The following CCDC33 variants were observed in gnomAD, a reference collection of about 807,000 sequenced individuals.
The protein encoded by CCDC33 is coiled-coil domain containing 33, also known as coiled-coil domain-containing protein 33.
In CCDC33, 94 loss-of-function variants were observed where a neutral mutation model predicts 91.9. The observed-to-expected ratio is 1.02, with a 90% CI of 0.87 to 1.21. The LOEUF (loss-of-function observed/expected upper bound fraction) is 1.21, where lower values mean the gene tolerates loss of function less well. CCDC33 is among the 50% of genes most tolerant of loss of function. The pLI is 0.00. For missense variants in CCDC33, 940 were observed against 935.5 expected (o/e 1.00, Z -0.06); for synonymous variants, 396 against 374.5 (o/e 1.06, Z -0.66).
chr15:74,330,324 C>G lies in CCDC33; in HGVS notation c.1426C>G (p.Gln476Glu). 6.2e-7 allele frequency: 1 copy of G among 1,607,802 alleles called. No homozygotes were observed. The highest frequency in any genetic ancestry group is 8.5e-7 in the Non-Finnish European group (1 of 1,177,932). Residue 476 changes from glutamine to glutamate, a missense_variant, in exon 12 of 19, where the codon CAG becomes GAG. Physicochemically the swap from Gln to Glu is conservative, Grantham distance 29. Transcript: ENST00000398814. ...RLAQQEEEEGQGKASEAQNTV... is the reference protein window; with the variant it reads ...RLAQQEEEEGEGKASEAQNTV... ...GGCCCAGCAGGAGGAGGAAGAGGGGCAGGGCAAAGCCAGTGAGGCCCAGAA... is the reference window on the plus strand; with the variant it reads ...GGCCCAGCAGGAGGAGGAAGAGGGGGAGGGCAAAGCCAGTGAGGCCCAGAA...
intron 8 of CCDC33, 151 bp from the exon 9 acceptor site, chr15:74,280,517 C>G: frequency 2.4e-6 from 2 of 849,912 alleles, no homozygotes; most frequent in Middle Eastern, 3.1e-4. Flanking sequence ...GTTCACAAAG[C>G]CCTGAAGATG....
At chr15:74,205,579 A>G (rs1227811970) in intron 1 of CCDC33, among the ~76,000 whole-genome samples, 1 of 152,230 alleles carries the variant, frequency 6.6e-6, no homozygotes, top group East Asian at 1.9e-4. Flanking sequence ...CCTCACTTCC[A>G]ACACTGGGGT....
intron 2 of CCDC33, among the ~76,000 whole-genome samples, chr15:74,259,637 T>C (rs1381946064): frequency 1.3e-5 from 2 of 152,184 alleles, no homozygotes; most frequent in Non-Finnish European, 2.9e-5. Context: ...CTTAACTCTT[T>C]CTCTGCTGGA....
intron 10 of CCDC33, among the ~76,000 whole-genome samples, chr15:74,282,363 C>T (rs1360303374): frequency 6.6e-6 from 1 of 152,160 alleles, no homozygotes; most frequent in Non-Finnish European, 1.5e-5. Context: ...ATCCCGGTCT[C>T]CTTGCAGGCT....
intron 3 of CCDC33, among the ~76,000 whole-genome samples, chr15:74,263,891 G>A (rs1170998265): frequency 6.6e-6 from 1 of 152,156 alleles, no homozygotes. Flanking sequence ...TAGATCGTGT[G>A]TGTGGCTCTG....
chr15:74,283,607 CTG>C (rs1566997905), intron 10 of CCDC33, among the ~76,000 whole-genome samples: 1 of 152,166 alleles, frequency 6.6e-6, no homozygotes, highest in Non-Finnish European at 1.5e-5. Flanking sequence ...ATTCATTTAG[CTG>C]CTGAGTGTTT....
chr15:74,289,996 T>C (rs1183272237), intron 10 of CCDC33, among the ~76,000 whole-genome samples: 2 of 152,118 alleles, frequency 1.3e-5, no homozygotes, highest in African/African-American at 4.8e-5. Flanking sequence ...AGGGAAGGAA[T>C]AGAGAGAGAC....
Position 74,281,830 on chromosome 15 carries a change from T to C in CCDC33, c.1076T>C (p.Phe359Ser). ...NDEAPTVALS[F>S]QLLSSERPEN... is the part of the protein sequence containing the mutation. The stretch of plus-strand genomic sequence containing the variant: ...GAGGCCCCCACAGTGGCTCTCTCCT[T>C]CCAGCTGCTTTCCTCTGAGGTAAGG... The change falls in exon 10 of 19, where the codon TTC (phenylalanine) becomes TCC (serine). Residue 359 changes from phenylalanine to serine, a missense_variant. Transcript: ENST00000398814. The C allele has an allele frequency of 6.2e-7, 1 of 1,614,056 alleles. No individual in the cohort carries two copies. The highest frequency in any genetic ancestry group is 8.5e-7 in the Non-Finnish European group (1 of 1,179,954).
intron 7 of CCDC33, among the ~76,000 whole-genome samples, chr15:74,277,633 G>A (rs188591965): frequency 2.6e-4 from 40 of 152,302 alleles, no homozygotes; most frequent in Admixed American, 1.8e-3. Flanking sequence ...GGGCTCTGGC[G>A]TCAGACTGCA....
At chr15:74,253,557 C>T (rs192605000) in intron 2 of CCDC33, among the ~76,000 whole-genome samples, 3 of 152,308 alleles carry the variant, frequency 2.0e-5, no homozygotes, top group South Asian at 2.1e-4. Context: ...TGAGGCTCCC[C>T]CTATCCATCC....
intron 1 of CCDC33, among the ~76,000 whole-genome samples, chr15:74,240,486 C>T (rs1256719549): frequency 2.0e-5 from 3 of 152,210 alleles, no homozygotes; most frequent in Non-Finnish European, 4.4e-5. Context: ...GGCACAGTAA[C>T]CACTGGAAAG....
intron 10 of CCDC33, among the ~76,000 whole-genome samples, chr15:74,283,853 ATATC>A (rs1031763108): frequency 4.8e-4 from 73 of 152,214 alleles, no homozygotes; most frequent in African/African-American, 1.5e-3. Context: ...TCACGTGTGA[ATATC>A]TACACACAGT....
At chr15:74,272,938 C>A (rs762429559) in intron 7 of CCDC33, 47 bp downstream of exon 7, 2 of 1,610,046 alleles carry the variant, frequency 1.2e-6, no homozygotes, top group Admixed American at 1.7e-5. Flanking sequence ...CTACCCCACA[C>A]ATTCACTGTT....
At chr15:74,214,490 G>A (rs912958477), upstream of CCDC33, among the ~76,000 whole-genome samples, 5 of 152,182 alleles carry the variant, frequency 3.3e-5, no homozygotes, top group Admixed American at 1.3e-4. Flanking sequence ...CAGGGAGGCA[G>A]CCAGGAGTAG....
At chr15:74,206,439 C>T (rs1263064063) in intron 1 of CCDC33, among the ~76,000 whole-genome samples, 2 of 152,174 alleles carry the variant, frequency 1.3e-5, no homozygotes, top group Non-Finnish European at 2.9e-5. Flanking sequence ...CCTGGGAAGA[C>T]GGCAGGAGGC....
intron 1 of CCDC33, among the ~76,000 whole-genome samples, chr15:74,203,873 G>A (rs1424989093): frequency 6.6e-6 from 1 of 151,998 alleles, no homozygotes; most frequent in Non-Finnish European, 1.5e-5. Context: ...GCAGGGGAAA[G>A]TCCGCTGAGC....
At chr15:74,260,704 G>A (rs2075999366) in intron 2 of CCDC33, among the ~76,000 whole-genome samples, 1 of 152,116 alleles carries the variant, frequency 6.6e-6, no homozygotes, top group South Asian at 2.1e-4. Context: ...CTCTTTCCAG[G>A]ATTCCACACC....
In CCDC33 at chr15:74,283,495, A is replaced by G. The variant is rs144869732; in HGVS notation, c.1095+1646A>G. 4.9e-3 allele frequency among the ~76,000 whole-genome samples: 752 copies of G among 152,318 alleles called. 8 individuals are homozygous for G. Among genetic ancestry groups the G allele is most frequent in the African/African-American group, 0.017 (712 of 41,562 alleles). On this transcript the variant is annotated intron_variant, in intron 10 of 18. Transcript: ENST00000398814. ...TGGGCACAAAGGTCTCCAGTAATGA[A>G]TTATTCACCGGAGCTGTGCTAAGTG...
At chr15:74,234,958 C>T (rs1215622523), upstream of CCDC33, among the ~76,000 whole-genome samples, 1 of 152,244 alleles carries the variant, frequency 6.6e-6, no homozygotes, top group East Asian at 1.9e-4. Flanking sequence ...TGGCTCCCCA[C>T]CCCCTGAACC....
Sources: allele counts gnomAD v4.1 joint callset (sites outside exome capture counted in the v4.1 genomes callset), GRCh38; gene constraint gnomAD v4.1.1; transcripts MANE v1.5; gene names NCBI Gene and HGNC (gene_info 2026-07-23, HGNC 2026-07-21).